The following CDH8 variants were observed in gnomAD, a reference collection of about 807,000 sequenced individuals.
The protein encoded by CDH8 is cadherin 8.
In CDH8, 17 loss-of-function variants were observed where a neutral mutation model predicts 68.1. That is an observed-to-expected ratio of 0.25 (90% CI 0.17 to 0.37). The LOEUF is 0.37. Ranked by LOEUF, CDH8 falls within the 10% of genes least tolerant of loss-of-function variation. CDH8 has a pLI of 1.00. For synonymous variants in CDH8, 372 were observed against 365.1 expected (o/e 1.02, Z -0.21); for missense variants, 763 against 999.3 (o/e 0.76, Z 3.19).
chr16:61,899,118 T>TCTGGCTC (rs1963922136), intron 3 of CDH8, among the ~76,000 whole-genome samples: 4 of 152,158 alleles, frequency 2.6e-5, no homozygotes, highest in Non-Finnish European at 5.9e-5. Context: ...CCTAACGCTA[T>TCTGGCTC]CCCTCCTCTG....
At chr16:61,992,051 T>TGC (rs1491448931) in intron 2 of CDH8, among the ~76,000 whole-genome samples, 29 of 69,184 alleles carry the variant, frequency 4.2e-4, no homozygotes, top group African/African-American at 1.5e-3. Context: ...GCTAAATCTT[T>TGC]GTGTGTGTGT....
At chr16:61,712,314 A>G (rs1205410772) in intron 10 of CDH8, among the ~76,000 whole-genome samples, 1 of 151,676 alleles carries the variant, frequency 6.6e-6, no homozygotes, top group East Asian at 1.9e-4. Context: ...TTCACCCAAT[A>G]CCTTATGTGA....
intron 10 of CDH8, among the ~76,000 whole-genome samples, chr16:61,666,290 GA>G (rs1316243468): frequency 7.3e-5 from 11 of 151,574 alleles, no homozygotes; most frequent in Admixed American, 7.3e-4. Flanking sequence ...CCCTGCAGAT[GA>G]AAAAGGGAAA....
Position 61,653,579 on chromosome 16 carries a change from A to G in CDH8, c.*29T>C. On this transcript the variant is annotated 3_prime_UTR_variant, in exon 12 of 12. Coordinates refer to ENST00000577390, the MANE Select transcript of CDH8 (RefSeq NM_001796.5). ...GACCCTAGAATATTACAGAATGCTCAGTTCCAGTGATTTATTTATAATCCA... is the reference window on the plus strand; with the variant it reads ...GACCCTAGAATATTACAGAATGCTCGGTTCCAGTGATTTATTTATAATCCA... The G allele has an allele frequency of 6.4e-7, 1 of 1,573,974 alleles. No homozygotes were observed. The highest frequency in any genetic ancestry group is 2.2e-5 in the East Asian group (1 of 44,686).
intron 2 of CDH8, among the ~76,000 whole-genome samples, chr16:61,920,322 C>A (rs1396928988): frequency 7.3e-6 from 1 of 137,328 alleles, no homozygotes; most frequent in Non-Finnish European, 1.6e-5. Context: ...AGGCAACCTA[C>A]AAAATGGGAG....
At chr16:61,810,129 C>T (rs1412554952) in intron 7 of CDH8, among the ~76,000 whole-genome samples, 1 of 152,176 alleles carries the variant, frequency 6.6e-6, no homozygotes, top group African/African-American at 2.4e-5. Flanking sequence ...TAGAGCCACA[C>T]ATAATGAAAT....
intron 4 of CDH8, among the ~76,000 whole-genome samples, chr16:61,850,918 G>T (rs1022772167): frequency 1.3e-5 from 2 of 151,958 alleles, no homozygotes; most frequent in Non-Finnish European, 2.9e-5. Flanking sequence ...CCCACAACAT[G>T]GCAGCATGTA....
At chr16:61,972,571 G>GGTGTGTGTGTGT (rs1555525996) in intron 2 of CDH8, among the ~76,000 whole-genome samples, 1 of 131,468 alleles carries the variant, frequency 7.6e-6, no homozygotes, top group African/African-American at 2.8e-5. Context: ...ACACATTGTG[G>GGTGTGTGTGTGT]GTGTGTGTGT....
intron 1 of CDH8, among the ~76,000 whole-genome samples, chr16:62,032,406 C>T (rs754364226): frequency 6.6e-6 from 1 of 152,128 alleles, no homozygotes; most frequent in Non-Finnish European, 1.5e-5. Flanking sequence ...TTTATCTACA[C>T]CCTCCCACCC....
intron 3 of CDH8, among the ~76,000 whole-genome samples, chr16:61,874,418 G>A (rs1284528044): frequency 9.2e-5 from 14 of 151,784 alleles, no homozygotes; most frequent in Admixed American, 4.6e-4. Flanking sequence ...TGCAAGCTCC[G>A]CCTCCCAGGT....
chr16:61,877,211 T>C (rs1963477712), intron 3 of CDH8, among the ~76,000 whole-genome samples: 1 of 152,126 alleles, frequency 6.6e-6, no homozygotes, highest in South Asian at 2.1e-4. Flanking sequence ...AAAGAAATTG[T>C]TTCATCATCT....
chr16:61,788,551 C>T (rs1312886189), intron 8 of CDH8, among the ~76,000 whole-genome samples: 1 of 152,010 alleles, frequency 6.6e-6, no homozygotes, highest in East Asian at 1.9e-4. Flanking sequence ...GACATCCTCT[C>T]CCTTTTCCAT....
intron 7 of CDH8, among the ~76,000 whole-genome samples, chr16:61,792,403 A>G (rs921427894): frequency 6.6e-6 from 1 of 151,998 alleles, no homozygotes; most frequent in Admixed American, 6.6e-5. Context: ...GCTTCTGTAG[A>G]AATTTCACAC....
At chr16:61,801,630 A>C (rs1353032296) in intron 7 of CDH8, among the ~76,000 whole-genome samples, 3 of 152,188 alleles carry the variant, frequency 2.0e-5, no homozygotes, top group Admixed American at 2.0e-4. Context: ...GAGCCAAAGC[A>C]GGGCGAGGCA....
intron 7 of CDH8, among the ~76,000 whole-genome samples, chr16:61,790,367 G>A (rs1961351144): frequency 6.6e-6 from 1 of 151,980 alleles, no homozygotes; most frequent in South Asian, 2.1e-4. Context: ...GCTATGGAAT[G>A]CTGGACCCAA....
chr16:61,807,160 G>A (rs1015102150), intron 7 of CDH8, among the ~76,000 whole-genome samples: 5 of 151,364 alleles, frequency 3.3e-5, no homozygotes, highest in East Asian at 3.9e-4. Flanking sequence ...TGATGAGTTC[G>A]TGTTCTTTGT....
At chr16:61,861,281 T>G (rs1189656038) in intron 3 of CDH8, among the ~76,000 whole-genome samples, 1 of 152,334 alleles carries the variant, frequency 6.6e-6, no homozygotes, top group East Asian at 1.9e-4. Context: ...CCATTCTCCC[T>G]AGAGACACTA....
chr16:61,650,085 A>G lies in CDH8; in HGVS notation c.*3523T>C, dbSNP rs1238418253. The G allele has an allele frequency of 1.3e-5, 2 of 152,088 alleles. No homozygotes were observed. The highest frequency in any genetic ancestry group is 2.9e-5 in the Non-Finnish European group (2 of 68,012). 9.4% of individuals were successfully genotyped at this position (152,088 alleles called of 1,614,324 possible). On this transcript the variant is annotated 3_prime_UTR_variant, in exon 12 of 12. Transcript: ENST00000577390. ...TTTCACTTTAAAGTTTACACCCTAGAAGTCATAATTCTGTGTGGCAAGGTT... is the reference window on the plus strand; with the variant it reads ...TTTCACTTTAAAGTTTACACCCTAGGAGTCATAATTCTGTGTGGCAAGGTT...
Position 61,908,674 on chromosome 16 carries a change from G to T in CDH8, c.253-7201C>A, listed in dbSNP as rs141506573. Among the ~76,000 whole-genome samples, 168 of 152,286 alleles carry T rather than the reference G, an allele frequency of 1.1e-3. No homozygotes were observed. In the Middle Eastern group the frequency reaches 0.024, roughly 22 times the overall value. ...AAAGCATCATGTGATGGTGGTAGATGGAGTGGGAGGAGGGAGGCTTCAGGC... is the reference window on the plus strand; with the variant it reads ...AAAGCATCATGTGATGGTGGTAGATTGAGTGGGAGGAGGGAGGCTTCAGGC... On this transcript the variant is annotated intron_variant, in intron 2 of 11. Transcript: ENST00000577390.
Sources: allele counts gnomAD v4.1 joint callset (sites outside exome capture counted in the v4.1 genomes callset), GRCh38; gene constraint gnomAD v4.1.1; transcripts MANE v1.5; gene names NCBI Gene and HGNC (gene_info 2026-07-23, HGNC 2026-07-21).